Variants in SLC24A3 observed in about 807,000 individuals in gnomAD.
SLC24A3 encodes the protein sodium/potassium/calcium exchanger 3.
Under a neutral mutation model 75.8 loss-of-function variants are expected in SLC24A3, and 28 were observed. The ratio of observed to expected loss-of-function variants is 0.37; its 90% CI spans 0.27 to 0.51. The LOEUF is 0.51. Among genes scored for constraint, SLC24A3 ranks in the 20% least tolerant of loss-of-function variants. SLC24A3 has a pLI of 0.94. For missense variants in SLC24A3, 663 were observed against 847.8 expected (o/e 0.78, Z 2.71); for synonymous variants, 372 against 334.1 (o/e 1.11, Z -1.24).
intron 3 of SLC24A3, among the ~76,000 whole-genome samples, chr20:19,544,346 G>A (rs1038114395): frequency 6.6e-6 from 1 of 152,182 alleles, no homozygotes; most frequent in Non-Finnish European, 1.5e-5. Context: ...AAATAGACCA[G>A]CATGAAAGAT....
chr20:19,610,499 A>G (rs552687503), intron 6 of SLC24A3, among the ~76,000 whole-genome samples: 1 of 152,352 alleles, frequency 6.6e-6, no homozygotes, highest in South Asian at 2.1e-4. Context: ...ATCTAGGGAT[A>G]TCAAATCTTG....
At chr20:19,328,786 G>A (rs1984927885) in intron 2 of SLC24A3, among the ~76,000 whole-genome samples, 1 of 152,146 alleles carries the variant, frequency 6.6e-6, no homozygotes, top group Admixed American at 6.5e-5. Flanking sequence ...GGTCAAGGCT[G>A]GAGATACCAA....
intron 2 of SLC24A3, among the ~76,000 whole-genome samples, chr20:19,463,572 A>G (rs1987714865): frequency 1.3e-5 from 2 of 152,172 alleles, no homozygotes; most frequent in African/African-American, 2.4e-5. Flanking sequence ...ATGTGGATAG[A>G]GTTGGGTCAT....
rs777102499 is a variant in SLC24A3, at chr20:19,693,229, A to AT, written c.1325-27dup. 4 of 1,560,856 alleles carry AT rather than the reference A, an allele frequency of 2.6e-6. No homozygotes were observed. In the African/African-American group the frequency reaches 5.7e-5, roughly 22 times the overall value. On this transcript the variant is annotated intron_variant, in intron 12 of 16. Coordinates refer to ENST00000328041, the MANE Select transcript of SLC24A3 (RefSeq NM_020689.4). ...TGGGGTTCTTTGTTATTTTTTTTTT[A>AT]TTTCTTTTTGGCCTTTTTCATTTTT...
At chr20:19,653,769 G>T (rs2032233849) in intron 6 of SLC24A3, among the ~76,000 whole-genome samples, 1 of 152,196 alleles carries the variant, frequency 6.6e-6, no homozygotes, top group South Asian at 2.1e-4. Flanking sequence ...CTCCACGGGG[G>T]TCAGACCCGC....
chr20:19,605,628 A>G (rs903672344), intron 6 of SLC24A3, among the ~76,000 whole-genome samples: 1 of 152,174 alleles, frequency 6.6e-6, no homozygotes, highest in Non-Finnish European at 1.5e-5. Context: ...TTAATTCAGC[A>G]TAGGCCTTCT....
intron 6 of SLC24A3, among the ~76,000 whole-genome samples, chr20:19,607,479 G>T (rs955906716): frequency 1.3e-5 from 2 of 152,122 alleles, no homozygotes; most frequent in Non-Finnish European, 2.9e-5. Context: ...TCTGAGGCAG[G>T]CTCCAATTGG....
intron 6 of SLC24A3, among the ~76,000 whole-genome samples, chr20:19,653,217 G>C (rs1461220055): frequency 6.6e-6 from 1 of 152,146 alleles, no homozygotes; most frequent in Non-Finnish European, 1.5e-5. Flanking sequence ...ACCACCTCCA[G>C]CCCTGGCTCC....
chr20:19,623,925 C>G (rs1375953261), intron 6 of SLC24A3, among the ~76,000 whole-genome samples: 4 of 152,184 alleles, frequency 2.6e-5, no homozygotes, highest in African/African-American at 9.7e-5. Flanking sequence ...CCCTGAGACT[C>G]AGGAAGAAGA....
At chr20:19,474,794 AC>A (rs1987935034) in intron 2 of SLC24A3, among the ~76,000 whole-genome samples, 1 of 152,166 alleles carries the variant, frequency 6.6e-6, no homozygotes, top group African/African-American at 2.4e-5. Flanking sequence ...TCTCATTACT[AC>A]CATGCTCTAC....
intron 2 of SLC24A3, among the ~76,000 whole-genome samples, chr20:19,338,129 A>C (rs1436550023): frequency 2.0e-5 from 3 of 152,172 alleles, no homozygotes; most frequent in Non-Finnish European, 4.4e-5. Flanking sequence ...GATGGTAAAA[A>C]ATATACTGTT....
At chr20:19,431,434 A>T (rs1196932804) in intron 2 of SLC24A3, among the ~76,000 whole-genome samples, 1 of 152,130 alleles carries the variant, frequency 6.6e-6, no homozygotes, top group African/African-American at 2.4e-5. Flanking sequence ...CAAGACCAGC[A>T]GAGCATCACT....
At chr20:19,382,591 A>G (rs1485045714) in intron 2 of SLC24A3, among the ~76,000 whole-genome samples, 1 of 152,092 alleles carries the variant, frequency 6.6e-6, no homozygotes, top group African/African-American at 2.4e-5. Context: ...TGTAACGAGC[A>G]TCTGTCTCTC....
chr20:19,592,797 CTTTT>C (rs11480179), intron 6 of SLC24A3, among the ~76,000 whole-genome samples: 1 of 126,750 alleles, frequency 7.9e-6, no homozygotes, highest in Non-Finnish European at 1.6e-5. Flanking sequence ...TTCTTTCTTT[CTTTT>C]TTTTTTTTTT....
intron 2 of SLC24A3, among the ~76,000 whole-genome samples, chr20:19,457,693 T>C (rs1987602770): frequency 6.6e-6 from 1 of 152,160 alleles, no homozygotes; most frequent in Non-Finnish European, 1.5e-5. Context: ...AAATCACTCA[T>C]GGGACCAAGG....
At chr20:19,701,682 A>C (rs1157814557) in intron 15 of SLC24A3, among the ~76,000 whole-genome samples, 5 of 152,100 alleles carry the variant, frequency 3.3e-5, no homozygotes, top group Non-Finnish European at 7.4e-5. Context: ...CATCTGGTTT[A>C]CTCCTCAGCT....
chr20:19,648,708 G>A (rs2032166522), intron 6 of SLC24A3, among the ~76,000 whole-genome samples: 1 of 152,122 alleles, frequency 6.6e-6, no homozygotes, highest in Non-Finnish European at 1.5e-5. Flanking sequence ...ACCTCCTAGA[G>A]GGAGCCAGAA....
intron 9 of SLC24A3, among the ~76,000 whole-genome samples, chr20:19,676,882 C>A (rs923949576): frequency 1.3e-5 from 2 of 152,222 alleles, no homozygotes; most frequent in Non-Finnish European, 2.9e-5. Context: ...GCCCTGACAG[C>A]AGAGCCCCCT....
chr20:19,559,983 C>A (rs1206845967), intron 3 of SLC24A3, among the ~76,000 whole-genome samples: 1 of 152,118 alleles, frequency 6.6e-6, no homozygotes, highest in African/African-American at 2.4e-5. Context: ...ACTCACATGG[C>A]AAGTTTTCAA....
Sources: gnomAD v4.1 joint callset for allele counts (sites outside exome capture counted in the v4.1 genomes callset) on GRCh38, gnomAD v4.1.1 for gene constraint, MANE v1.5 for transcripts, NCBI Gene and HGNC (gene_info 2026-07-23, HGNC 2026-07-21) for gene names.